PTH2R: variants seen among roughly 807,000 people sequenced by gnomAD.
The protein encoded by PTH2R is PTH2 receptor.
In PTH2R, 59 loss-of-function variants were observed where a neutral mutation model predicts 60.3. That is an observed-to-expected ratio of 0.98 (90% CI 0.79 to 1.22). The LOEUF (loss-of-function observed/expected upper bound fraction) is 1.22, where lower values mean the gene tolerates loss of function less well. Ranked by LOEUF, PTH2R falls within the 50% of genes most tolerant of loss-of-function variation. The pLI is 0.00. For synonymous variants in PTH2R, 256 were observed against 243.8 expected, an observed-to-expected ratio of 1.05 and a Z score of -0.47; for missense variants, 749 against 682.6, an observed-to-expected ratio of 1.10 and a Z score of -1.08.
rs1015754056 is a variant in PTH2R, at chr2:208,489,396, A to C, written c.1215+246A>C. Among the ~76,000 whole-genome samples, 2 of 152,162 alleles carry C rather than the reference A, an allele frequency of 1.3e-5. 1 individual carries two copies. Among genetic ancestry groups the C allele is most frequent in the Non-Finnish European group, 2.9e-5 (2 of 68,032 alleles). ...CGTCACACAAAAAAAGCCTGGACAGAGAGATAAGGAACATCTTGTTGTAAA... is the reference window on the plus strand; with the variant it reads ...CGTCACACAAAAAAAGCCTGGACAGCGAGATAAGGAACATCTTGTTGTAAA... On this transcript the variant is annotated intron_variant, in intron 11 of 12. Coordinates refer to ENST00000272847, the MANE Select transcript of PTH2R (RefSeq NM_005048.4).
At chr2:208,416,623 G>T (rs1232853406) in intron 1 of PTH2R, among the ~76,000 whole-genome samples, 4 of 152,200 alleles carry the variant, frequency 2.6e-5, no homozygotes, top group African/African-American at 9.7e-5. Flanking sequence ...TTGGATTGAA[G>T]TATACAAAGT....
At chr2:208,377,514 C>G (rs1700819690) in intron 1 of PTH2R, among the ~76,000 whole-genome samples, 1 of 150,400 alleles carries the variant, frequency 6.6e-6, no homozygotes, top group South Asian at 2.1e-4. Flanking sequence ...CCCCACCTCC[C>G]TCCCAGACGG....
At chr2:208,424,406 A>T (rs1701816492) in intron 1 of PTH2R, among the ~76,000 whole-genome samples, 1 of 152,066 alleles carries the variant, frequency 6.6e-6, no homozygotes. Flanking sequence ...CCATGTAGTA[A>T]ACTGTGGTTT....
At chr2:208,390,099 AC>A (rs565517218) in intron 1 of PTH2R, among the ~76,000 whole-genome samples, 370 of 152,224 alleles carry the variant, frequency 2.4e-3, no homozygotes, top group African/African-American at 8.6e-3. Context: ...CTTTTAGATG[AC>A]CCTTGTTGCA....
chr2:208,467,081 TC>T (rs1702769500), intron 9 of PTH2R, among the ~76,000 whole-genome samples: 1 of 152,192 alleles, frequency 6.6e-6, no homozygotes, highest in Admixed American at 6.5e-5. Context: ...TTGGCATCTG[TC>T]CCAGGGAAGA....
intron 7 of PTH2R, among the ~76,000 whole-genome samples, chr2:208,448,213 G>T (rs1201815393): frequency 6.6e-6 from 1 of 152,110 alleles, no homozygotes; most frequent in African/African-American, 2.4e-5. Context: ...TAAACACAGA[G>T]ACAGGTGTTA....
chr2:208,449,690 A>G (rs1481133671), intron 7 of PTH2R, among the ~76,000 whole-genome samples: 4 of 152,154 alleles, frequency 2.6e-5, no homozygotes, highest in Non-Finnish European at 4.4e-5. Flanking sequence ...ATTATTGTGC[A>G]TATCATCATT....
At chr2:208,450,131 G>T (rs1433634543) in intron 7 of PTH2R, among the ~76,000 whole-genome samples, 4 of 152,170 alleles carry the variant, frequency 2.6e-5, no homozygotes, top group African/African-American at 9.7e-5. Context: ...AGCCCAGAAG[G>T]TGTTTAGCAC....
chr2:208,489,793 TCACCCTGTATCA>T lies in PTH2R; in HGVS notation c.1215+648_1215+659del, dbSNP rs1341658488. ...GCATGTCGTGGAGCCTGTCTGCCTC[TCACCCTGTATCA>T]CACCAGCCTCCATGTAGCTCATTAA... On this transcript the variant is annotated intron_variant, in intron 11 of 12. Coordinates refer to ENST00000272847, the MANE Select transcript of PTH2R (RefSeq NM_005048.4). Among the ~76,000 whole-genome samples, 4 of 152,334 alleles carry T rather than the reference TCACCCTGTATCA, an allele frequency of 2.6e-5. No individual in the cohort carries two copies. In the East Asian group the frequency reaches 7.7e-4, roughly 29 times the overall value.
intron 1 of PTH2R, 122 bp from the exon 2 acceptor site, chr2:208,428,079 C>A: frequency 3.0e-6 from 2 of 671,582 alleles, no homozygotes; most frequent in Non-Finnish European, 4.9e-6. Flanking sequence ...AGATAAAGGA[C>A]TATTTCAAAT....
At chr2:208,377,240 A>C (rs1458078386) in intron 1 of PTH2R, among the ~76,000 whole-genome samples, 2 of 152,280 alleles carry the variant, frequency 1.3e-5, no homozygotes, top group East Asian at 3.9e-4. Context: ...TTCTTAGTAC[A>C]GAACAAAATG....
chr2:208,397,629 T>C (rs1701236629), intron 1 of PTH2R, among the ~76,000 whole-genome samples: 2 of 152,058 alleles, frequency 1.3e-5, no homozygotes, highest in South Asian at 4.1e-4. Flanking sequence ...AAACAGCCAT[T>C]TATATGAGGA....
In PTH2R at chr2:208,493,334, G is replaced by A. The variant is rs1703451807; in HGVS notation, c.1328G>A (p.Cys443Tyr). Residue 443 changes from cysteine (C) to tyrosine (Y), a missense_variant, in exon 13 of 13, where the codon TGT becomes TAT. Physicochemically the swap from Cys to Tyr is radical, Grantham distance 194. Transcript: ENST00000272847. Reference sequence around the variant, plus strand: ...GTGGACTGGAAAAGGACACCGCCATGTGGCAGCCGCAGATGCGGCTCAGTG... The same window carrying A: ...GTGGACTGGAAAAGGACACCGCCATATGGCAGCCGCAGATGCGGCTCAGTG... ...LSVDWKRTPPCGSRRCGSVLT... is the reference protein window; with the variant it reads ...LSVDWKRTPPYGSRRCGSVLT... 3 of 1,565,926 alleles carry A rather than the reference G, an allele frequency of 1.9e-6. No individual in the cohort carries two copies. Among genetic ancestry groups the A allele is most frequent in the Non-Finnish European group, 2.6e-6 (3 of 1,153,602 alleles).
At position 208,409,307 on chromosome 2, in the gene PTH2R, T is replaced by G. The variant is rs140365017; in HGVS notation, c.75+2189T>G. On this transcript the variant is annotated intron_variant, in intron 1 of 12. Transcript: ENST00000272847. Reference sequence around the variant, plus strand: ...TTGGGCTAAGATTCTTTTAATTCTATAAGTCTTGGTTTATTACTTTTAGGT... The same window carrying G: ...TTGGGCTAAGATTCTTTTAATTCTAGAAGTCTTGGTTTATTACTTTTAGGT... Among the ~76,000 whole-genome samples the G allele has an allele frequency of 2.4e-4, 36 of 152,332 alleles. No individual in the cohort carries two copies. The East Asian group carries it at 2.7e-3, about 11-fold the overall frequency.
chr2:208,416,116 T>C (rs1559213136), intron 1 of PTH2R, among the ~76,000 whole-genome samples: 1 of 152,132 alleles, frequency 6.6e-6, no homozygotes, highest in Admixed American at 6.5e-5. Flanking sequence ...CAATGCTGAG[T>C]TTGGTTTACT....
intron 10 of PTH2R, among the ~76,000 whole-genome samples, chr2:208,482,007 G>A (rs1465325890): frequency 1.3e-5 from 2 of 152,116 alleles, no homozygotes; most frequent in Non-Finnish European, 2.9e-5. Flanking sequence ...AATATTAGTG[G>A]CATCTATCCA....
rs775885812 is a variant in PTH2R, at chr2:208,481,041, A to T, written c.982-29A>T. 3 of 1,445,186 alleles carry T rather than the reference A, an allele frequency of 2.1e-6. No individual in the cohort carries two copies. In the African/African-American group the frequency reaches 4.3e-5, roughly 21 times the overall value. The allele number at this position is 1,445,186 out of a possible 1,614,324, so 89.5% of individuals were successfully genotyped here. A position where few individuals can be genotyped will look rare whatever the true frequency, so the allele number is the denominator to read the frequency against. On this transcript the variant is annotated intron_variant, in intron 9 of 12. Transcript: ENST00000272847. ...ATAAAAATCTTGAAGACTAACAATA[A>T]TTCTTTGTAATCTTACCTTCTTTTT...
chr2:208,487,939 G>C (rs1033704064), intron 10 of PTH2R, among the ~76,000 whole-genome samples: 2 of 152,184 alleles, frequency 1.3e-5, no homozygotes, highest in Admixed American at 6.5e-5. Context: ...TGTAATCTCA[G>C]AAGTGGGATG....
intron 9 of PTH2R, among the ~76,000 whole-genome samples, chr2:208,461,964 T>C (rs1702643740): frequency 6.6e-6 from 1 of 152,230 alleles, no homozygotes; most frequent in African/African-American, 2.4e-5. Context: ...TTCATCTTCT[T>C]GAGCTAAAAT....
Sources: allele counts gnomAD v4.1 joint callset (sites outside exome capture counted in the v4.1 genomes callset), GRCh38; gene constraint gnomAD v4.1.1; transcripts MANE v1.5; gene names NCBI Gene and HGNC (gene_info 2026-07-23, HGNC 2026-07-21).